CASKIN2: variants seen among roughly 807,000 people sequenced by gnomAD.
CASKIN2 encodes CASK interacting protein 2, also known as caskin-2.
In CASKIN2, 41 loss-of-function variants were observed where a neutral mutation model predicts 107.1. That is an observed-to-expected ratio of 0.38 (90% CI 0.30 to 0.50). The LOEUF (loss-of-function observed/expected upper bound fraction) is 0.50. Ranked by LOEUF, CASKIN2 falls within the 20% of genes least tolerant of loss-of-function variation. CASKIN2 has a pLI of 0.92. For missense variants in CASKIN2, 1,546 were observed against 1,657.4 expected, an observed-to-expected ratio of 0.93 and a Z score of 1.17; for synonymous variants, 724 against 705.6, an observed-to-expected ratio of 1.03 and a Z score of -0.41.
At chr17:75,501,383 A>C in intron 19 of CASKIN2, 85 bp downstream of exon 19, 1 of 1,455,000 alleles carries the variant, frequency 6.9e-7, no homozygotes, top group Non-Finnish European at 9.4e-7. Context: ...GTCCCCCTCC[A>C]ACATCCCCAT....
At chr17:75,507,755 G>A (rs1343104357) in intron 3 of CASKIN2, 74 bp from the exon 4 acceptor site, 12 of 1,169,664 alleles carry the variant, frequency 1.0e-5, no homozygotes, top group South Asian at 6.6e-5. Flanking sequence ...TTCCATACCC[G>A]AACCTATCCT....
intron 2 of CASKIN2, among the ~76,000 whole-genome samples, chr17:75,513,238 G>A (rs1036060761): frequency 2.6e-5 from 4 of 151,998 alleles, no homozygotes; most frequent in South Asian, 2.1e-4. Flanking sequence ...TCTGGAGTTC[G>A]AGACCAGTCT....
chr17:75,504,788 G>A (rs1455114647), intron 11 of CASKIN2, 24 bp downstream of exon 11: 2 of 1,599,082 alleles, frequency 1.3e-6, no homozygotes, highest in Admixed American at 1.7e-5. Context: ...ACAGTGCCCA[G>A]CACTGCCCCC....
At chr17:75,501,741 C>G in intron 18 of CASKIN2, 38 bp downstream of exon 18, 1 of 1,530,168 alleles carries the variant, frequency 6.5e-7, no homozygotes, top group South Asian at 1.3e-5. Flanking sequence ...AGACACAACC[C>G]TGCCAGCAGT....
At chr17:75,508,944 G>T (rs2053293770) in intron 2 of CASKIN2, among the ~76,000 whole-genome samples, 1 of 152,226 alleles carries the variant, frequency 6.6e-6, no homozygotes, top group Admixed American at 6.5e-5. Flanking sequence ...CTCCTGACAT[G>T]TGGGCAAATA....
intron 2 of CASKIN2, among the ~76,000 whole-genome samples, chr17:75,512,466 C>T (rs1465728574): frequency 6.6e-6 from 1 of 152,218 alleles, no homozygotes; most frequent in Non-Finnish European, 1.5e-5. Flanking sequence ...TCCCCCACAG[C>T]CCGGTCAGGT....
At position 75,501,050 on chromosome 17, in the gene CASKIN2, G is replaced by A. The variant is rs748864529; in HGVS notation, c.*30C>T. On this transcript the variant is annotated 3_prime_UTR_variant, in exon 20 of 20. Transcript: ENST00000321617. ...TGCTGGGGCAAAGGCAGTGGACTTCGGCAGGTCACAGTGGGCACTGCTGGA... is the reference window on the plus strand; with the variant it reads ...TGCTGGGGCAAAGGCAGTGGACTTCAGCAGGTCACAGTGGGCACTGCTGGA... The A allele has an allele frequency of 4.7e-5, 72 of 1,548,076 alleles. No individual in the cohort carries two copies. The highest frequency in any genetic ancestry group is 5.2e-5 in the Non-Finnish European group (60 of 1,144,326).
Position 75,507,128 on chromosome 17 carries a change from G to A in CASKIN2, c.246C>T (p.Gly82=), listed in dbSNP as rs755697016. The change falls in exon 5 of 20, where the codon GGC becomes GGT. Residue 82 remains glycine, a splice_region_variant and synonymous_variant. Transcript: ENST00000321617. ...AGGCTGCGTAGTGCAGCGGGCGCAT[G>A]CCTGGCAGGAGGAAAGGGTTTCTGA... ...QATVDIKDSN[G]MRPLHYAAWQ... 22 of 1,606,264 alleles carry A rather than the reference G, an allele frequency of 1.4e-5. No individual in the cohort carries two copies. The highest frequency in any genetic ancestry group is 1.8e-5 in the Non-Finnish European group (21 of 1,178,062).
chr17:75,501,258 G>T, intron 19 of CASKIN2, 88 bp from the exon 20 acceptor site: 2 of 1,307,696 alleles, frequency 1.5e-6, no homozygotes, highest in Non-Finnish European at 2.1e-6. Context: ...GCTCCCAGAG[G>T]CTCAGGGAGG....
intron 2 of CASKIN2, among the ~76,000 whole-genome samples, chr17:75,510,902 G>C (rs555446509): frequency 7.2e-5 from 11 of 152,092 alleles, no homozygotes; most frequent in African/African-American, 2.4e-4. Context: ...GGCTGGCCCA[G>C]TCTGCACTTT....
chr17:75,505,952 G>C lies in CASKIN2; in HGVS notation c.727-23C>G. The C allele has an allele frequency of 7.5e-6, 12 of 1,600,436 alleles. No individual in the cohort carries two copies. Among genetic ancestry groups the C allele is most frequent in the Non-Finnish European group, 1.0e-5 (12 of 1,169,068 alleles). On this transcript the variant is annotated intron_variant, in intron 8 of 19. Transcript: ENST00000321617. The surrounding 1 kb of genome is among the most constrained non-coding windows in gnomAD (Gnocchi z 5.1). ...TCCCTGGGTGCACAGTGTCACATGAGCACACGCTAAGCACTTTGACACCCC... is the reference window on the plus strand; with the variant it reads ...TCCCTGGGTGCACAGTGTCACATGACCACACGCTAAGCACTTTGACACCCC...
Position 75,506,530 on chromosome 17 carries a change from C to CA in CASKIN2, c.617+52dup. 6.2e-7 allele frequency: 1 copy of CA among 1,605,092 alleles called. No homozygotes were observed. Among genetic ancestry groups the CA allele is most frequent in the South Asian group, 1.1e-5 (1 of 90,440 alleles). On this transcript the variant is annotated intron_variant, in intron 7 of 19. Coordinates refer to ENST00000321617, the MANE Select transcript of CASKIN2 (RefSeq NM_020753.5). The surrounding 1 kb of genome is among the most constrained non-coding windows in gnomAD (Gnocchi z 4.8). ...GGCAGTGGGGGAGAGCACTGAGGGGCACCGATGGTCCCGCAGGCAGGTGAT... is the reference window on the plus strand; with the variant it reads ...GGCAGTGGGGGAGAGCACTGAGGGGCAACCGATGGTCCCGCAGGCAGGTGAT...
chr17:75,506,052 G>T lies in CASKIN2; in HGVS notation c.727-123C>A. On this transcript the variant is annotated intron_variant, in intron 8 of 19. Coordinates refer to ENST00000321617, the MANE Select transcript of CASKIN2 (RefSeq NM_020753.5). This position sits in a 1 kb window ranked among gnomAD's most constrained non-coding sequence, Gnocchi z 4.8. ...CGATTTTACAGATGAGGACATAGAGGCTCAGGGACTCAGTCAAGGACAAGC... is the reference window on the plus strand; with the variant it reads ...CGATTTTACAGATGAGGACATAGAGTCTCAGGGACTCAGTCAAGGACAAGC... 1.2e-6 allele frequency: 1 copy of T among 828,740 alleles called. No individual in the cohort carries two copies. The highest frequency in any genetic ancestry group is 1.9e-6 in the Non-Finnish European group (1 of 526,444). The allele number at this position is 828,740 out of a possible 1,614,324, so 51.3% of individuals were successfully genotyped here.
intron 2 of CASKIN2, among the ~76,000 whole-genome samples, chr17:75,508,524 G>C (rs952278070): frequency 6.6e-6 from 1 of 152,190 alleles, no homozygotes; most frequent in South Asian, 2.1e-4. Context: ...CCCCAGTCCC[G>C]CTTGTTTATA....
intron 4 of CASKIN2, 136 bp from the exon 5 acceptor site, chr17:75,507,265 G>A (rs1012125330): frequency 9.4e-7 from 1 of 1,059,828 alleles, no homozygotes; most frequent in African/African-American, 1.6e-5. Context: ...CTATCCAGGT[G>A]TGCTTAGGAA....
chr17:75,504,321 A>G lies in CASKIN2; in HGVS notation c.1376-15T>C, dbSNP rs745603291. 1 of 1,603,836 alleles carries G rather than the reference A, an allele frequency of 6.2e-7. No individual in the cohort carries two copies. Among genetic ancestry groups the G allele is most frequent in the Non-Finnish European group, 8.5e-7 (1 of 1,175,224 alleles). On this transcript the variant is annotated splice_polypyrimidine_tract_variant and intron_variant, in intron 13 of 19. Coordinates refer to ENST00000321617, the MANE Select transcript of CASKIN2 (RefSeq NM_020753.5). Reference sequence around the variant, plus strand: ...GCTCAGGTTGTCTTCAAGGAGAGAGAAAAATGGAATGGAAAGGTGGCAGGA... The same window carrying G: ...GCTCAGGTTGTCTTCAAGGAGAGAGGAAAATGGAATGGAAAGGTGGCAGGA...
In CASKIN2 at chr17:75,506,302, C is replaced by G. The variant is rs2053264731; in HGVS notation, c.726+3G>C. The G allele has an allele frequency of 1.2e-6, 2 of 1,609,902 alleles. No individual in the cohort carries two copies. The highest frequency in any genetic ancestry group is 1.1e-5 in the South Asian group (1 of 91,030). On this transcript the variant is annotated splice_donor_region_variant and intron_variant, in intron 8 of 19. Transcript: ENST00000321617. The surrounding 1 kb of genome is among the most constrained non-coding windows in gnomAD (Gnocchi z 4.8). ...CTGCGAGGGAGCAGGGGCCCATACC[C>G]ACCTCCAGAAGCAGCCGCACCACCT...
At chr17:75,511,939 A>G (rs2053319290) in intron 2 of CASKIN2, among the ~76,000 whole-genome samples, 1 of 152,148 alleles carries the variant, frequency 6.6e-6, no homozygotes, top group African/African-American at 2.4e-5. Flanking sequence ...GCCAAAAACA[A>G]CACAGAGGTG....
rs754695037 is a variant in CASKIN2 at position 75,507,050 on chromosome 17, G to C, written c.324C>G (p.Val108=). ...VRLLLRASAA[V]NAASLDGQIP... is the part of the protein sequence containing the mutation. ...TCTGTCCGTCCAGCGAGGCGGCATT[G>C]ACAGCCGCAGAGGCGCGCAGCAGCA... The change falls in exon 5 of 20, where the codon GTC becomes GTG. Residue 108 remains valine (V), a synonymous_variant. Coordinates refer to ENST00000321617, the MANE Select transcript of CASKIN2 (RefSeq NM_020753.5). The C allele has an allele frequency of 6.2e-7, 1 of 1,612,646 alleles. No homozygotes were observed. Among genetic ancestry groups the C allele is most frequent in the East Asian group, 2.2e-5 (1 of 44,876 alleles).
Sources: gnomAD v4.1 joint callset for allele counts (sites outside exome capture counted in the v4.1 genomes callset) on GRCh38, gnomAD v4.1.1 for gene constraint, Gnocchi (gnomAD v3.1) non-coding constraint, MANE v1.5 for transcripts, NCBI Gene and HGNC (gene_info 2026-07-23, HGNC 2026-07-21) for gene names.